The following SLC44A1 variants were observed in gnomAD, a reference collection of about 807,000 sequenced individuals.
SLC44A1 encodes the protein choline transporter-like protein 1.
SLC44A1 carries 26 observed loss-of-function variants against 79.3 expected under a neutral mutation model. That is an observed-to-expected ratio of 0.33 (90% CI 0.24 to 0.46). The LOEUF is 0.46. SLC44A1 is among the 20% of genes least tolerant of loss of function. SLC44A1 has a pLI of 1.00. For synonymous variants in SLC44A1, 263 were observed against 286.2 expected, an observed-to-expected ratio of 0.92 and a Z score of 0.82; for missense variants, 688 against 798.1, an observed-to-expected ratio of 0.86 and a Z score of 1.66.
chr9:105,259,670 T>G (rs1354492559), intron 1 of SLC44A1, among the ~76,000 whole-genome samples: 3 of 152,228 alleles, frequency 2.0e-5, no homozygotes, highest in African/African-American at 7.2e-5. Context: ...ACCACAGGTG[T>G]TGGAAGACAA....
intron 1 of SLC44A1, among the ~76,000 whole-genome samples, chr9:105,297,564 G>A (rs747422022): frequency 2.7e-4 from 41 of 152,146 alleles, no homozygotes; most frequent in Admixed American, 4.6e-4. Flanking sequence ...TGTATTTTTA[G>A]TAGAGACGGG....
At chr9:105,415,581 C>T (rs1829157604) in intron 15 of SLC44A1, among the ~76,000 whole-genome samples, 1 of 152,138 alleles carries the variant, frequency 6.6e-6, no homozygotes, top group South Asian at 2.1e-4. Context: ...TTGTCTCTAG[C>T]GACACCTGCT....
At chr9:105,278,165 G>T (rs905767826) in intron 1 of SLC44A1, among the ~76,000 whole-genome samples, 3 of 151,564 alleles carry the variant, frequency 2.0e-5, no homozygotes, top group Non-Finnish European at 4.4e-5. Context: ...AGGCTCAAGC[G>T]ATTCTCCTGC....
chr9:105,352,831 A>C (rs1827496159), intron 5 of SLC44A1, among the ~76,000 whole-genome samples: 1 of 152,186 alleles, frequency 6.6e-6, no homozygotes, highest in Non-Finnish European at 1.5e-5. Context: ...CATTTCAATG[A>C]CTCGATTATT....
chr9:105,276,565 C>CAT (rs1188770816), intron 1 of SLC44A1, among the ~76,000 whole-genome samples: 14 of 118,892 alleles, frequency 1.2e-4, no homozygotes, highest in Admixed American at 1.7e-4. Context: ...GATGGGGAGC[C>CAT]GTGTGTGTGT....
chr9:105,408,031 T>C (rs1282632442), intron 15 of SLC44A1, among the ~76,000 whole-genome samples: 1 of 151,116 alleles, frequency 6.6e-6, no homozygotes, highest in Non-Finnish European at 1.5e-5. Context: ...GCTGGCATAG[T>C]GGTAGGCGCC....
At position 105,358,350 on chromosome 9, in the gene SLC44A1, C is replaced by G. The variant is rs1827682387; in HGVS notation, c.677C>G (p.Ser226Cys). The G allele has an allele frequency of 6.5e-7, 1 of 1,539,450 alleles. No individual in the cohort carries two copies. The highest frequency in any genetic ancestry group is 1.4e-5 in the African/African-American group (1 of 73,412). ...LGLCLLSLVL[S>C]MILMVIIRYI... is the part of the protein sequence containing the mutation. The stretch of plus-strand genomic sequence containing the variant: ...TTCTCTATCTTCCCTGCAGTTCTAT[C>G]CATGATTTTGATGGTGATAATCAGG... The change falls in exon 7 of 16, where the codon TCC becomes TGC. Residue 226 changes from serine (S) to cysteine (C), a missense_variant. Transcript: ENST00000374720.
intron 5 of SLC44A1, among the ~76,000 whole-genome samples, chr9:105,349,214 G>A (rs1468301710): frequency 6.6e-6 from 1 of 152,172 alleles, no homozygotes; most frequent in Non-Finnish European, 1.5e-5. Flanking sequence ...ACTTTGGAGT[G>A]TTGGTCAGAT....
intron 1 of SLC44A1, among the ~76,000 whole-genome samples, chr9:105,255,498 T>C (rs1428266820): frequency 6.6e-6 from 1 of 152,050 alleles, no homozygotes; most frequent in African/African-American, 2.4e-5. Flanking sequence ...TTATTTATAA[T>C]GGCAAAAAGT....
intron 1 of SLC44A1, among the ~76,000 whole-genome samples, chr9:105,297,586 T>C (rs1399123557): frequency 6.6e-6 from 1 of 152,140 alleles, no homozygotes; most frequent in African/African-American, 2.4e-5. Context: ...TTTCTCCATG[T>C]TGGTCAGACT....
Position 105,347,527 on chromosome 9 carries a change from A to G in SLC44A1, c.407-831A>G, listed in dbSNP as rs578043660. ...TGGACTTTATCCATCTCAATTATCT[A>G]TACTAAGGAAATCAATGTATATACC... On this transcript the variant is annotated intron_variant, in intron 4 of 15. Transcript: ENST00000374720. Among the ~76,000 whole-genome samples the G allele has an allele frequency of 5.3e-5, 8 of 152,178 alleles. No homozygotes were observed. The South Asian group carries it at 1.0e-3, about 20-fold the overall frequency.
intron 1 of SLC44A1, among the ~76,000 whole-genome samples, chr9:105,258,297 T>C (rs1588706889): frequency 6.6e-6 from 1 of 152,206 alleles, no homozygotes; most frequent in Non-Finnish European, 1.5e-5. Flanking sequence ...CCATAGGGAA[T>C]TGAAGACCCA....
At chr9:105,366,612 A>T (rs1162665771) in intron 12 of SLC44A1, among the ~76,000 whole-genome samples, 183 bp downstream of exon 12, 1 of 152,164 alleles carries the variant, frequency 6.6e-6, no homozygotes, top group African/African-American at 2.4e-5. Flanking sequence ...ATGCTTACCA[A>T]GGCTCATTAT....
chr9:105,309,116 G>A (rs983156681), intron 2 of SLC44A1, among the ~76,000 whole-genome samples: 3 of 152,200 alleles, frequency 2.0e-5, no homozygotes, highest in African/African-American at 7.2e-5. Context: ...CTTGTATACA[G>A]CTTTATTGCA....
At chr9:105,266,726 A>T (rs1474116150) in intron 1 of SLC44A1, among the ~76,000 whole-genome samples, 3 of 152,198 alleles carry the variant, frequency 2.0e-5, no homozygotes, top group Non-Finnish European at 2.9e-5. Context: ...TATATATTGA[A>T]ATCAGGTTAT....
chr9:105,314,708 A>T (rs1376825269), intron 3 of SLC44A1, among the ~76,000 whole-genome samples: 1 of 152,210 alleles, frequency 6.6e-6, no homozygotes, highest in Non-Finnish European at 1.5e-5. Context: ...TCTGCGGAGG[A>T]TGATAGCATC....
chr9:105,311,385 G>A (rs191961861), intron 3 of SLC44A1, among the ~76,000 whole-genome samples: 32 of 152,176 alleles, frequency 2.1e-4, no homozygotes, highest in Non-Finnish European at 3.2e-4. Context: ...GATCTGCTCC[G>A]TCAGGTCTTC....
intron 1 of SLC44A1, among the ~76,000 whole-genome samples, chr9:105,265,437 T>C (rs79814042): frequency 6.6e-6 from 1 of 152,362 alleles, no homozygotes; most frequent in African/African-American, 2.4e-5. Context: ...TGTAATGCAT[T>C]TGAGATGCAT....
chr9:105,250,877 T>C (rs1829568356), intron 1 of SLC44A1, among the ~76,000 whole-genome samples: 1 of 152,148 alleles, frequency 6.6e-6, no homozygotes, highest in Non-Finnish European at 1.5e-5. Context: ...AAAAAGTTTT[T>C]TTTTCTGTTT....
Sources: gnomAD v4.1 joint callset for allele counts (sites outside exome capture counted in the v4.1 genomes callset) on GRCh38, gnomAD v4.1.1 for gene constraint, MANE v1.5 for transcripts, NCBI Gene and HGNC (gene_info 2026-07-23, HGNC 2026-07-21) for gene names.